Variants in UTRN observed in about 807,000 individuals in gnomAD.
UTRN encodes the protein dystrophin-related protein 1.
UTRN carries 283 observed loss-of-function variants against 463.9 expected under a neutral mutation model. The ratio of observed to expected loss-of-function variants is 0.61; its 90% CI spans 0.55 to 0.67. UTRN has a LOEUF of 0.67. Ranked by LOEUF, UTRN falls within the 30% of genes least tolerant of loss-of-function variation. The pLI is 0.00. For missense variants in UTRN, 3,922 were observed against 4,084.3 expected (o/e 0.96, Z 1.08); for synonymous variants, 1,442 against 1,431.5 (o/e 1.01, Z -0.17).
At chr6:144,824,239 C>T (rs1035154391) in intron 66 of UTRN, among the ~76,000 whole-genome samples, 17 of 151,624 alleles carry the variant, frequency 1.1e-4, no homozygotes, top group Non-Finnish European at 7.4e-5. Context: ...CAGTGGGGAG[C>T]CTTTGGGGGT....
intron 69 of UTRN, among the ~76,000 whole-genome samples, chr6:144,831,159 A>T (rs1192865172): frequency 6.6e-6 from 1 of 152,120 alleles, no homozygotes; most frequent in East Asian, 1.9e-4. Context: ...TGGTAAACAG[A>T]ATGATGGCCC....
chr6:144,326,236 G>A (rs1775966053), intron 2 of UTRN, among the ~76,000 whole-genome samples: 1 of 151,568 alleles, frequency 6.6e-6, no homozygotes, highest in Non-Finnish European at 1.5e-5. Flanking sequence ...TTTATTGATA[G>A]TACAGAAAAT....
At chr6:144,390,670 A>G (rs907238623) in intron 2 of UTRN, among the ~76,000 whole-genome samples, 5 of 152,204 alleles carry the variant, frequency 3.3e-5, no homozygotes, top group African/African-American at 1.2e-4. Context: ...ATGCCTTTCT[A>G]ACCATTTTTA....
intron 3 of UTRN, among the ~76,000 whole-genome samples, chr6:144,409,229 C>T (rs1562356703): frequency 6.6e-6 from 1 of 152,050 alleles, no homozygotes; most frequent in Non-Finnish European, 1.5e-5. Context: ...TGATTTTTGT[C>T]TCAAAATTGT....
intron 25 of UTRN, among the ~76,000 whole-genome samples, chr6:144,479,038 C>T (rs4896725): frequency 0.21 from 31,671 of 151,392 alleles, 3,373 homozygotes; most frequent in South Asian, 0.32. Flanking sequence ...CTCTCCCTCC[C>T]TGCTTTTTAA....
chr6:144,448,882 A>AC, intron 17 of UTRN, 113 bp downstream of exon 17: 10 of 1,211,520 alleles, frequency 8.3e-6, no homozygotes, highest in Non-Finnish European at 1.0e-5. Context: ...CATAATAAGT[A>AC]TTATTATTAT....
intron 2 of UTRN, chr6:144,398,003 G>T: frequency 4.4e-6 from 1 of 225,698 alleles, no homozygotes. Flanking sequence ...AGAAAGACTG[G>T]CAGCATTGCC....
intron 2 of UTRN, among the ~76,000 whole-genome samples, chr6:144,348,942 A>C (rs1777847760): frequency 6.6e-6 from 1 of 152,180 alleles, no homozygotes; most frequent in Admixed American, 6.5e-5. Flanking sequence ...CTCAAAAAAA[A>C]ACAAAAACAA....
At chr6:144,290,438 G>A (rs1804118199) in intron 1 of UTRN, among the ~76,000 whole-genome samples, 2 of 152,302 alleles carry the variant, frequency 1.3e-5, no homozygotes, top group Admixed American at 6.5e-5. Flanking sequence ...GTCTAGATTT[G>A]TCTGCTCATG....
chr6:144,428,144 T>A (rs115138777), intron 7 of UTRN, among the ~76,000 whole-genome samples: 2,878 of 152,188 alleles, frequency 0.019, 48 homozygotes, highest in African/African-American at 0.051. Context: ...GCAACAATAA[T>A]GTCCAATTTG....
intron 55 of UTRN, among the ~76,000 whole-genome samples, chr6:144,750,175 C>G (rs958903677): frequency 1.3e-5 from 2 of 151,690 alleles, no homozygotes; most frequent in Non-Finnish European, 2.9e-5. Flanking sequence ...CTAACCCACC[C>G]CTCCTCCTTC....
At chr6:144,424,188 C>T (rs776912007) in intron 6 of UTRN, 110 bp downstream of exon 6, 76 of 1,198,276 alleles carry the variant, frequency 6.3e-5, no homozygotes, top group Non-Finnish European at 8.0e-5. Context: ...GCTTGAACAA[C>T]AGAAATTTGT....
chr6:144,393,021 A>C (rs1782077306), intron 2 of UTRN, among the ~76,000 whole-genome samples: 1 of 151,192 alleles, frequency 6.6e-6, no homozygotes, highest in African/African-American at 2.4e-5. Context: ...CCATCCATCC[A>C]TCCATCCATC....
chr6:144,514,813 G>T lies in UTRN; in HGVS notation c.5237G>T (p.Ser1746Ile). ...GAAAAGGTGTCTCAACATATCAAAAGTGCCAAAGTGAGTAATTATGCTTTT... is the reference window on the plus strand; with the variant it reads ...GAAAAGGTGTCTCAACATATCAAAATTGCCAAAGTGAGTAATTATGCTTTT... ...NFEKVSQHIK[S>I]AKLLIAQEPL... The change falls in exon 37 of 75, where the codon AGT (serine) becomes ATT (isoleucine). Residue 1746 changes from serine (S) to isoleucine (I), a missense_variant. Physicochemically the swap from Ser to Ile is moderately radical, Grantham distance 142. This residue lies in a region of UTRN where 2,349 missense variants were observed against 2,303.8 expected (regional missense o/e 1.02). Transcript: ENST00000367545. The T allele has an allele frequency of 1.2e-6, 2 of 1,612,132 alleles. No individual in the cohort carries two copies. Among genetic ancestry groups the T allele is most frequent in the Non-Finnish European group, 8.5e-7 (1 of 1,179,458 alleles).
intron 2 of UTRN, among the ~76,000 whole-genome samples, chr6:144,318,812 T>G (rs1775446238): frequency 6.6e-6 from 1 of 152,196 alleles, no homozygotes; most frequent in Non-Finnish European, 1.5e-5. Context: ...GGCTCATACC[T>G]GTAATCCCAG....
chr6:144,368,185 G>A (rs1190466516), intron 2 of UTRN, among the ~76,000 whole-genome samples: 1 of 152,148 alleles, frequency 6.6e-6, no homozygotes, highest in Non-Finnish European at 1.5e-5. Context: ...CATGGTACAG[G>A]CTGTTGGGAA....
At chr6:144,806,554 T>TTTAAC (rs1234868084) in intron 65 of UTRN, among the ~76,000 whole-genome samples, 6 of 145,836 alleles carry the variant, frequency 4.1e-5, no homozygotes, top group East Asian at 2.1e-4. Context: ...AATGATCTGA[T>TTTAAC]TGCTATTATT....
In UTRN at chr6:144,836,327, T is replaced by G. The variant is rs1394796968; in HGVS notation, c.9851T>G (p.Leu3284Arg). The change falls in exon 71 of 75, where the codon CTG becomes CGG. Residue 3284 changes from leucine to arginine, a missense_variant. Leu to Arg is a moderately radical substitution (Grantham distance 102). Coordinates refer to ENST00000367545, the MANE Select transcript of UTRN (RefSeq NM_007124.3). ...QRNLQVEYEQ[L>R]KDQHLRRGLP... is the part of the protein sequence containing the mutation. ...AATCTACAGGTGGAGTATGAGCAGC[T>G]GAAGGACCAGCACCTCCGAAGGGGG... The G allele has an allele frequency of 3.7e-6, 6 of 1,614,004 alleles. No homozygotes were observed. In the African/African-American group the frequency reaches 8.0e-5, roughly 22 times the overall value.
At chr6:144,743,263 A>G (rs959268606) in intron 54 of UTRN, among the ~76,000 whole-genome samples, 8 of 152,256 alleles carry the variant, frequency 5.3e-5, no homozygotes, top group Non-Finnish European at 1.2e-4. Flanking sequence ...TGGAGATTAC[A>G]AATGTTGATA....
Sources: gnomAD v4.1 joint callset for allele counts (sites outside exome capture counted in the v4.1 genomes callset) on GRCh38, gnomAD v4.1.1 for gene constraint, gnomAD v4.1.1 regional missense constraint, MANE v1.5 for transcripts, NCBI Gene and HGNC (gene_info 2026-07-23, HGNC 2026-07-21) for gene names.